MPHOSPH9: variants seen among roughly 807,000 people sequenced by gnomAD.
MPHOSPH9 encodes M-phase phosphoprotein 9.
MPHOSPH9 carries 88 observed loss-of-function variants against 145.5 expected under a neutral mutation model. The observed-to-expected ratio is 0.60, with a 90% CI of 0.51 to 0.72. MPHOSPH9 has a LOEUF of 0.72. Ranked by LOEUF, MPHOSPH9 falls within the 30% of genes least tolerant of loss-of-function variation. MPHOSPH9 has a pLI of 0.00. For missense variants in MPHOSPH9, 1,238 were observed against 1,386.6 expected, an observed-to-expected ratio of 0.89 and a Z score of 1.70; for synonymous variants, 435 against 486.2, an observed-to-expected ratio of 0.89 and a Z score of 1.39.
rs369652699 is a variant in MPHOSPH9 at position 123,160,660 on chromosome 12, T to C, written c.3450+121A>G. The stretch of plus-strand genomic sequence containing the variant: ...ACACTTCCCGTAAAAGCTAAAAGTT[T>C]TGACTGCTGCTTCAGTGTGTCTAAT... On this transcript the variant is annotated intron_variant, in intron 23 of 23. Coordinates refer to ENST00000606320, the MANE Select transcript of MPHOSPH9 (RefSeq NM_022782.4). 1.6e-4 allele frequency: 133 copies of C among 824,902 alleles called. No individual in the cohort carries two copies. The East Asian group carries it at 2.9e-3, about 18-fold the overall frequency. 51.1% of individuals were successfully genotyped at this position (824,902 alleles called of 1,614,324 possible).
intron 11 of MPHOSPH9, among the ~76,000 whole-genome samples, chr12:123,198,694 C>T (rs977993790): frequency 6.6e-6 from 1 of 151,084 alleles, no homozygotes; most frequent in African/African-American, 2.4e-5. Flanking sequence ...CCTGTAGTCC[C>T]AGCTACTCAG....
intron 20 of MPHOSPH9, chr12:123,162,785 G>A: frequency 2.4e-6 from 1 of 425,170 alleles, no homozygotes; most frequent in South Asian, 6.4e-5. Context: ...TGACAGGGGT[G>A]CTGAGGTGAT....
intron 3 of MPHOSPH9, among the ~76,000 whole-genome samples, chr12:123,223,769 C>T (rs1429067633): frequency 6.6e-6 from 1 of 152,028 alleles, no homozygotes; most frequent in Non-Finnish European, 1.5e-5. Context: ...CTTAAATGTT[C>T]ACTTTGTGAA....
intron 16 of MPHOSPH9, among the ~76,000 whole-genome samples, chr12:123,175,442 G>A (rs757819155): frequency 1.8e-4 from 28 of 151,934 alleles, no homozygotes; most frequent in Admixed American, 1.3e-3. Context: ...CGTGAGCCAC[G>A]GCGCCCAGCC....
intron 15 of MPHOSPH9, among the ~76,000 whole-genome samples, chr12:123,178,198 T>G (rs1020865738): frequency 2.6e-4 from 39 of 152,244 alleles, no homozygotes; most frequent in Admixed American, 4.6e-4. Flanking sequence ...CATACCGCCA[T>G]GCCTGGCTTG....
Position 123,210,158 on chromosome 12 carries a change from C to T in MPHOSPH9, c.1092G>A (p.Leu364=). 1 of 1,592,814 alleles carries T rather than the reference C, an allele frequency of 6.3e-7. No homozygotes were observed. The change falls in exon 8 of 24, where the codon TTG becomes TTA. Residue 364 remains leucine (L), a synonymous_variant. Coordinates refer to ENST00000606320, the MANE Select transcript of MPHOSPH9 (RefSeq NM_022782.4). ...NAWMSDSGTG[L]TYWKLEEKDM... ...CCTTTTCCTCTAGTTTCCAGTAAGT[C>T]AATCCTGATGTGCACAAACACACAG... is the stretch of plus-strand genomic sequence containing the variant.
intron 6 of MPHOSPH9, among the ~76,000 whole-genome samples, chr12:123,217,968 C>G (rs1252693986): frequency 1.3e-5 from 2 of 151,666 alleles, no homozygotes; most frequent in African/African-American, 4.8e-5. Flanking sequence ...TGGCGTGAAC[C>G]CGGGAGGCGG....
intron 7 of MPHOSPH9, among the ~76,000 whole-genome samples, chr12:123,214,255 G>A (rs897407018): frequency 6.6e-6 from 1 of 152,068 alleles, no homozygotes; most frequent in South Asian, 2.1e-4. Context: ...AGAAAGAAAG[G>A]TGGCTGGACA....
intron 21 of MPHOSPH9, 129 bp downstream of exon 21, chr12:123,161,986 G>C: frequency 1.9e-6 from 1 of 518,956 alleles, no homozygotes; most frequent in Non-Finnish European, 3.2e-6. Flanking sequence ...TGAGTGCTTA[G>C]TTTCAGACGC....
chr12:123,186,701 C>T (rs2045459193), intron 13 of MPHOSPH9, among the ~76,000 whole-genome samples: 1 of 152,170 alleles, frequency 6.6e-6, no homozygotes, highest in Non-Finnish European at 1.5e-5. Flanking sequence ...GGGCTCATTC[C>T]TGTAATCCCA....
chr12:123,227,651 C>A, intron 2 of MPHOSPH9, 35 bp from the exon 3 acceptor site: 1 of 1,466,252 alleles, frequency 6.8e-7, no homozygotes, highest in Non-Finnish European at 9.0e-7. Context: ...TGGTTTTCTT[C>A]ATTCTATCAA....
At chr12:123,216,327 T>C (rs1593218705) in intron 6 of MPHOSPH9, among the ~76,000 whole-genome samples, 2 of 152,184 alleles carry the variant, frequency 1.3e-5, no homozygotes, top group African/African-American at 4.8e-5. Flanking sequence ...ATAAAATTTA[T>C]TGAAAGAGGA....
In MPHOSPH9 at chr12:123,161,308, A is replaced by G; in HGVS notation, c.3209T>C (p.Val1070Ala). The G allele has an allele frequency of 6.2e-7, 1 of 1,612,810 alleles. No individual in the cohort carries two copies. The highest frequency in any genetic ancestry group is 8.5e-7 in the Non-Finnish European group (1 of 1,179,680). ...GGCTGTTCTCACAGATACTTTCTTCACTCCATTTGGCACCGGTTCAGGGCA... is the reference window on the plus strand; with the variant it reads ...GGCTGTTCTCACAGATACTTTCTTCGCTCCATTTGGCACCGGTTCAGGGCA... ...SSCPEPVPNG[V>A]KKVSVRTAWE... Residue 1070 changes from valine to alanine, a missense_variant, in exon 22 of 24, where the codon GTG (valine) becomes GCG (alanine). Physicochemically the swap from Val to Ala is moderately conservative, Grantham distance 64 (BLOSUM62 0). Coordinates refer to ENST00000606320, the MANE Select transcript of MPHOSPH9 (RefSeq NM_022782.4).
In MPHOSPH9 at chr12:123,176,883, T is replaced by C. The variant is rs1214954412; in HGVS notation, c.2355-94A>G. On this transcript the variant is annotated intron_variant, in intron 15 of 23. Coordinates refer to ENST00000606320, the MANE Select transcript of MPHOSPH9 (RefSeq NM_022782.4). ...TTATTTAACAGACCCTCCTAAAAAA[T>C]GGGTGGTAAAAGAGTTGCAAGTCCA... is the stretch of plus-strand genomic sequence containing the variant. 7 of 980,558 alleles carry C rather than the reference T, an allele frequency of 7.1e-6. No homozygotes were observed. The African/African-American group carries it at 8.1e-5, about 11-fold the overall frequency. 60.7% of individuals were successfully genotyped at this position (980,558 alleles called of 1,614,324 possible).
In MPHOSPH9 at chr12:123,221,750, G is replaced by A; in HGVS notation, c.494C>T (p.Ser165Phe). Residue 165 changes from serine to phenylalanine, a missense_variant, in exon 5 of 24, where the codon TCT (serine) becomes TTT (phenylalanine). By Grantham distance (155) the Ser-to-Phe change is radical. Around this residue, in one of 3 missense-constraint regions of MPHOSPH9, gnomAD observed 837 missense variants for 897.5 expected, o/e 0.93. Coordinates refer to ENST00000606320, the MANE Select transcript of MPHOSPH9 (RefSeq NM_022782.4). ...FFSLSSERNE[S>F]VIHYPESTEP... ...TGTGGATTCAGGATAATGGATAACA[G>A]ATTCATTTCTCTCACTGCTTAGAGA... The A allele has an allele frequency of 6.2e-7, 1 of 1,614,098 alleles. No individual in the cohort carries two copies. The highest frequency in any genetic ancestry group is 8.5e-7 in the Non-Finnish European group (1 of 1,180,020).
intron 16 of MPHOSPH9, among the ~76,000 whole-genome samples, chr12:123,173,594 C>T (rs1008714825): frequency 6.4e-5 from 9 of 140,300 alleles, no homozygotes; most frequent in African/African-American, 3.0e-4. Context: ...CATTTCAACA[C>T]AGTCGTCCAA....
chr12:123,221,472 C>T lies in MPHOSPH9; in HGVS notation c.772G>A (p.Val258Met). The T allele has an allele frequency of 1.2e-6, 2 of 1,613,908 alleles. No homozygotes were observed. Among genetic ancestry groups the T allele is most frequent in the Non-Finnish European group, 1.7e-6 (2 of 1,179,824 alleles). Residue 258 changes from valine to methionine, a missense_variant, in exon 5 of 24, where the codon GTG becomes ATG. Val to Met is a conservative substitution (Grantham distance 21). Transcript: ENST00000606320. The stretch of plus-strand genomic sequence containing the variant: ...ATGGATACATCTTCCTTTAAAGACA[C>T]ATGACACTCTTCAGGAGTCTGTATA... ...FYIQTPEECHVSLKEDVSISP... is the reference protein window; with the variant it reads ...FYIQTPEECHMSLKEDVSISP...
chr12:123,165,484 C>G lies in MPHOSPH9; in HGVS notation c.2592-7G>C. Reference sequence around the variant, plus strand: ...TTCCAGAGGTGAACGGTGCCTTAAACAATAATTTTAAGACATACAGTGCTA... The same window carrying G: ...TTCCAGAGGTGAACGGTGCCTTAAAGAATAATTTTAAGACATACAGTGCTA... On this transcript the variant is annotated splice_polypyrimidine_tract_variant and splice_region_variant and intron_variant, in intron 17 of 23. Coordinates refer to ENST00000606320, the MANE Select transcript of MPHOSPH9 (RefSeq NM_022782.4). 6.2e-7 allele frequency: 1 copy of G among 1,611,462 alleles called. No individual in the cohort carries two copies. The highest frequency in any genetic ancestry group is 8.5e-7 in the Non-Finnish European group (1 of 1,178,908).
chr12:123,161,441 T>C (rs1260319), intron 21 of MPHOSPH9, 58 bp from the exon 22 acceptor site: 31,237 of 1,576,468 alleles, frequency 0.02, 1,545 homozygotes, highest in African/African-American at 0.19. Context: ...GTAGGTTGCA[T>C]ATATATTAAA....
Sources: gnomAD v4.1 joint callset for allele counts (sites outside exome capture counted in the v4.1 genomes callset) on GRCh38, gnomAD v4.1.1 for gene constraint, gnomAD v4.1.1 regional missense constraint, MANE v1.5 for transcripts, NCBI Gene and HGNC (gene_info 2026-07-23, HGNC 2026-07-21) for gene names.